Variants in PCDHA4 observed in about 807,000 individuals in gnomAD.
The protein encoded by PCDHA4 is protocadherin alpha-4.
A neutral mutation model predicts 61.4 loss-of-function variants in PCDHA4; 49 were observed. The ratio of observed to expected loss-of-function variants is 0.80; its 90% CI spans 0.63 to 1.01. PCDHA4 has a LOEUF of 1.01. Among genes scored for constraint, PCDHA4 ranks in the 50% least tolerant of loss-of-function variants. PCDHA4 has a pLI of 0.00. For missense variants in PCDHA4, 1,254 were observed against 1,235.8 expected (o/e 1.01, Z -0.22); for synonymous variants, 590 against 550.3 (o/e 1.07, Z -1.01).
At chr5:140,968,624 C>CT in intron 1 of PCDHA4, 3 of 1,614,176 alleles carry the variant, frequency 1.9e-6, no homozygotes, top group East Asian at 2.2e-5. Context: ...AAATGCTTGG[C>CT]TTTTTTACCA....
rs943336645 is a variant in PCDHA4 at position 140,847,564 on chromosome 5, G to A, written c.2385+37992G>A. On this transcript the variant is annotated intron_variant, in intron 1 of 3. Coordinates refer to ENST00000530339, the MANE Select transcript of PCDHA4 (RefSeq NM_018907.4). ...TAGCTTTAAAAACAGAAATTGCCCC[G>A]AGTACTAAGGATGAGCAATAATGAA... The A allele has an allele frequency of 3.3e-5, 5 of 149,268 alleles. 1 individual carries two copies. The highest frequency in any genetic ancestry group is 1.3e-4 in the Admixed American group (2 of 14,886). The allele number at this position is 149,268 out of a possible 1,614,324, so 9.2% of individuals were successfully genotyped here. A position where few individuals can be genotyped will look rare whatever the true frequency, so the allele number is the denominator to read the frequency against.
intron 1 of PCDHA4, among the ~76,000 whole-genome samples, chr5:140,958,652 G>C (rs991773774): frequency 6.6e-6 from 1 of 152,030 alleles, no homozygotes; most frequent in East Asian, 1.9e-4. Context: ...ATCACAGAAA[G>C]CTATGATGAA....
At chr5:140,984,227 T>C (rs571404372) in intron 3 of PCDHA4, among the ~76,000 whole-genome samples, 1 of 152,336 alleles carries the variant, frequency 6.6e-6, no homozygotes, top group Admixed American at 6.5e-5. Context: ...CTTGCTCTTA[T>C]GGAGGCATTG....
intron 1 of PCDHA4, chr5:140,966,981 TG>T (rs2096079365): frequency 1.2e-6 from 2 of 1,603,254 alleles, no homozygotes; most frequent in African/African-American, 2.7e-5. Flanking sequence ...CTGCGGCGCT[TG>T]GGGCCGGGTT....
At chr5:140,892,083 C>T (rs1019565386) in intron 1 of PCDHA4, among the ~76,000 whole-genome samples, 5 of 152,144 alleles carry the variant, frequency 3.3e-5, no homozygotes, top group African/African-American at 1.2e-4. Context: ...TTTCTAGTTT[C>T]CTCTCGAAAC....
chr5:140,973,390 AATC>A (rs1554235235), intron 1 of PCDHA4, among the ~76,000 whole-genome samples: 1 of 152,224 alleles, frequency 6.6e-6, no homozygotes, highest in East Asian at 1.9e-4. Context: ...TAGACAAAGA[AATC>A]ATATCTATGA....
At chr5:140,876,361 C>T (rs1554168496) in intron 1 of PCDHA4, 1 of 1,613,880 alleles carries the variant, frequency 6.2e-7, no homozygotes. Flanking sequence ...TTCAATAAAT[C>T]CAGACACAGG....
intron 1 of PCDHA4, chr5:140,870,188 C>T: frequency 6.2e-7 from 1 of 1,614,142 alleles, no homozygotes; most frequent in Non-Finnish European, 8.5e-7. Flanking sequence ...CGAGAGGACG[C>T]TCAGCCCAGC....
At chr5:140,871,311 C>T (rs782501180) in intron 1 of PCDHA4, 9 of 1,613,922 alleles carry the variant, frequency 5.6e-6, no homozygotes, top group Non-Finnish European at 7.6e-6. Flanking sequence ...CGGGGAAGCC[C>T]ACGCTGGTGT....
chr5:141,006,290 C>G (rs1465211339), intron 3 of PCDHA4, among the ~76,000 whole-genome samples: 5 of 152,050 alleles, frequency 3.3e-5, no homozygotes, highest in Non-Finnish European at 5.9e-5. Flanking sequence ...CAGCTCACTG[C>G]AAGCTCCACT....
chr5:140,990,136 A>C (rs996616541), intron 3 of PCDHA4, among the ~76,000 whole-genome samples: 1 of 152,198 alleles, frequency 6.6e-6, no homozygotes, highest in African/African-American at 2.4e-5. Context: ...GTCAGACTCA[A>C]GAGGCATAAT....
chr5:140,841,588 G>A (rs2150318650), intron 1 of PCDHA4: 2 of 1,614,070 alleles, frequency 1.2e-6, no homozygotes, highest in South Asian at 2.2e-5. Flanking sequence ...TGAATTCTCG[G>A]ATCGACCGCG....
intron 1 of PCDHA4, among the ~76,000 whole-genome samples, chr5:140,880,485 G>T (rs957327401): frequency 6.6e-6 from 1 of 152,190 alleles, no homozygotes; most frequent in Non-Finnish European, 1.5e-5. Flanking sequence ...GACACAAGAA[G>T]AGAGCAATTG....
chr5:140,910,982 T>C (rs1204318531), intron 1 of PCDHA4, among the ~76,000 whole-genome samples: 1 of 152,130 alleles, frequency 6.6e-6, no homozygotes, highest in Non-Finnish European at 1.5e-5. Flanking sequence ...GGTTATACTC[T>C]GAACCTCACC....
chr5:140,828,220 C>T (rs1181528476), intron 1 of PCDHA4: 3 of 1,613,934 alleles, frequency 1.9e-6, no homozygotes, highest in Non-Finnish European at 1.7e-6. Flanking sequence ...AACACGGCAC[C>T]TTCGTGGGCC....
intron 1 of PCDHA4, chr5:140,864,396 G>T (rs2048459702): frequency 6.6e-6 from 1 of 152,210 alleles, no homozygotes; most frequent in South Asian, 2.1e-4. Flanking sequence ...CACAAATGGT[G>T]ATGAGCAGGG....
At chr5:140,970,948 C>T (rs1339410112) in intron 1 of PCDHA4, among the ~76,000 whole-genome samples, 1 of 152,114 alleles carries the variant, frequency 6.6e-6, no homozygotes, top group Non-Finnish European at 1.5e-5. Context: ...TGCTGAGAAA[C>T]CATGGGAGGC....
intron 1 of PCDHA4, among the ~76,000 whole-genome samples, chr5:140,905,881 T>C (rs1241086266): frequency 1.3e-5 from 2 of 152,080 alleles, no homozygotes; most frequent in Non-Finnish European, 2.9e-5. Context: ...GGCCCAACAA[T>C]AGGCCATCTG....
intron 1 of PCDHA4, chr5:140,881,495 T>C (rs2058735247): frequency 3.5e-6 from 1 of 288,914 alleles, no homozygotes; most frequent in Non-Finnish European, 5.2e-6. Flanking sequence ...TTTATGCACA[T>C]ACACACACTC....
Sources: gnomAD v4.1 joint callset for allele counts (sites outside exome capture counted in the v4.1 genomes callset) on GRCh38, gnomAD v4.1.1 for gene constraint, MANE v1.5 for transcripts, NCBI Gene and HGNC (gene_info 2026-07-23, HGNC 2026-07-21) for gene names.